Variants in CFAP92 observed in about 807,000 individuals in gnomAD.
CFAP92 encodes cilia and flagella associated protein 92 (putative), also known as uncharacterized protein CFAP92.
In CFAP92, 86 loss-of-function variants were observed where a neutral mutation model predicts 106.3. That is an observed-to-expected ratio of 0.81 (90% CI 0.68 to 0.97). The LOEUF is 0.97. CFAP92 is among the 50% of genes least tolerant of loss of function. The pLI is 0.00. For missense variants in CFAP92, 1,204 were observed against 1,283.8 expected (o/e 0.94, Z 0.95); for synonymous variants, 477 against 506.4 (o/e 0.94, Z 0.78).
At chr3:129,023,952 G>A in the CFAP92 span, among the ~76,000 whole-genome samples, 1 of 152,188 alleles carries the variant, frequency 6.6e-6, no homozygotes, top group Non-Finnish European at 1.5e-5. Flanking sequence ...TCCAAGAGCA[G>A]GTGAATAGGT....
In CFAP92 at chr3:128,912,639, C is replaced by T. The variant is rs200518350; in HGVS notation, c.3281-2306G>A. On this transcript the variant is annotated intron_variant, in intron 15 of 15. Coordinates refer to ENST00000645291, the MANE Select transcript of CFAP92 (RefSeq NM_001394090.1). The stretch of plus-strand genomic sequence containing the variant: ...GGACAGTGTCCCCTGCTACCGCCCG[C>T]CCCTACCCATGGCCCGTTGCTGGAT... 1.2e-4 allele frequency: 191 copies of T among 1,569,366 alleles called. No individual in the cohort carries two copies. The African/African-American group carries it at 2.4e-3, about 20-fold the overall frequency.
intron 10 of CFAP92, among the ~76,000 whole-genome samples, chr3:128,936,144 T>G (rs182618095): frequency 8.4e-4 from 128 of 152,186 alleles, no homozygotes; most frequent in African/African-American, 2.9e-3. Flanking sequence ...CTGGCAGGGT[T>G]TCTATGCACA....
intron 10 of CFAP92, among the ~76,000 whole-genome samples, chr3:128,942,679 CTT>C (rs113637615): frequency 1.4e-5 from 2 of 146,432 alleles, no homozygotes; most frequent in Non-Finnish European, 1.5e-5. Context: ...AAAACTCAAT[CTT>C]TTTTTTTTTT....
intron 4 of CFAP92, among the ~76,000 whole-genome samples, chr3:128,981,167 GCTGGGA>G: frequency 6.6e-6 from 1 of 151,434 alleles, no homozygotes; most frequent in African/African-American, 2.4e-5. Flanking sequence ...CTCCCAAGGA[GCTGGGA>G]CTACAGGCGC....
intron 4 of CFAP92, among the ~76,000 whole-genome samples, chr3:128,980,002 G>T (rs1943426429): frequency 1.4e-5 from 2 of 146,654 alleles, no homozygotes; most frequent in African/African-American, 5.0e-5. Flanking sequence ...AAAGAAAGGA[G>T]GGAAGGAAGA....
chr3:128,928,808 C>G (rs994960444), intron 12 of CFAP92, among the ~76,000 whole-genome samples: 2 of 151,952 alleles, frequency 1.3e-5, no homozygotes, highest in Non-Finnish European at 2.9e-5. Flanking sequence ...AAATTAAGAA[C>G]TTTTATACTT....
At chr3:128,934,061 T>C (rs879438318) in intron 11 of CFAP92, among the ~76,000 whole-genome samples, 1 of 152,232 alleles carries the variant, frequency 6.6e-6, no homozygotes, top group East Asian at 1.9e-4. Context: ...AACAGCAGCC[T>C]CTCCTGCCCT....
intron 9 of CFAP92, among the ~76,000 whole-genome samples, chr3:128,956,207 T>TAAAAAAAAAAA (rs1256391409): frequency 4.7e-4 from 25 of 53,108 alleles, no homozygotes; most frequent in East Asian, 8.5e-4. Flanking sequence ...AAAAAAAAAA[T>TAAAAAAAAAAA]AAAAAAATAA....
intron 9 of CFAP92, among the ~76,000 whole-genome samples, chr3:128,952,835 C>T (rs1169969301): frequency 2.0e-5 from 3 of 151,984 alleles, no homozygotes; most frequent in Admixed American, 6.6e-5. Flanking sequence ...CCTGTAAATC[C>T]AGCACTTTGG....
rs763937881 is a variant in CFAP92 at position 128,932,917 on chromosome 3, T to C, written c.2534A>G (p.Lys845Arg). ...CATCCCAAACTCTTGGCTCAAGTCT[T>C]TTATCATAGCAGAGGAGGGCAGCAG... ...RDLLPSSAMI[K>R]DLSQEFGMPL... Residue 845 changes from lysine to arginine, a missense_variant, in exon 12 of 16, where the codon AAA becomes AGA. Physicochemically the swap from Lys to Arg is conservative, Grantham distance 26. Coordinates refer to ENST00000645291, the MANE Select transcript of CFAP92 (RefSeq NM_001394090.1). The C allele has an allele frequency of 2.0e-6, 3 of 1,536,042 alleles. No individual in the cohort carries two copies. Among genetic ancestry groups the C allele is most frequent in the Non-Finnish European group, 1.7e-6 (2 of 1,146,914 alleles).
chr3:128,917,813 AAAAAAGATAAAATTAGAAAC>A (rs1936942377), intron 12 of CFAP92, among the ~76,000 whole-genome samples: 1 of 152,224 alleles, frequency 6.6e-6, no homozygotes, highest in Admixed American at 6.5e-5. Context: ...AGTCCTGTAT[AAAAAAGATAAAATTAGAAAC>A]TGAGTATAGA....
intron 9 of CFAP92, among the ~76,000 whole-genome samples, chr3:128,956,196 T>TAAATAAAAAAAAAAAAAAAAAAAAAAAAA (rs1941372225): frequency 1.6e-5 from 1 of 61,714 alleles, no homozygotes; most frequent in African/African-American, 9.2e-5. Context: ...AAAAAAAAAA[T>TAAATAAAAAAAAAAAAAAAAAAAAAAAAA]AAAAAAAAAA....
chr3:128,959,475 C>T (rs1576526193), intron 9 of CFAP92, among the ~76,000 whole-genome samples: 2 of 152,090 alleles, frequency 1.3e-5, no homozygotes, highest in East Asian at 1.9e-4. Flanking sequence ...CTCCCATTGA[C>T]CTTTTCTCGA....
intron 12 of CFAP92, among the ~76,000 whole-genome samples, chr3:128,926,836 C>G (rs1439872050): frequency 1.3e-5 from 2 of 152,136 alleles, no homozygotes; most frequent in Non-Finnish European, 2.9e-5. Flanking sequence ...TTGCTCACAC[C>G]TGTAATCCCA....
intron 5 of CFAP92, among the ~76,000 whole-genome samples, chr3:128,977,585 T>C (rs141411882): frequency 6.6e-6 from 1 of 152,270 alleles, no homozygotes; most frequent in African/African-American, 2.4e-5. Flanking sequence ...TCGGACCAGG[T>C]GCAGTGGCTC....
chr3:129,003,304 C>G, upstream of CFAP92: 1 of 984,138 alleles, frequency 1.0e-6, no homozygotes. Flanking sequence ...TATTGAGCAC[C>G]TACTATGTGC....
intron 12 of CFAP92, among the ~76,000 whole-genome samples, chr3:128,931,523 A>ATG (rs72356792): frequency 1.8e-3 from 181 of 102,358 alleles, no homozygotes; most frequent in Middle Eastern, 0.011. Context: ...ATATGTATGT[A>ATG]TGTGTATATA....
chr3:128,950,606 T>C (rs914706188), intron 9 of CFAP92, among the ~76,000 whole-genome samples: 1 of 152,142 alleles, frequency 6.6e-6, no homozygotes, highest in African/African-American at 2.4e-5. Flanking sequence ...GTCTGTGATT[T>C]ATTACAGCAA....
intron 2 of CFAP92, among the ~76,000 whole-genome samples, chr3:128,989,729 T>C (rs1288212758): frequency 6.6e-6 from 1 of 152,262 alleles, no homozygotes; most frequent in Non-Finnish European, 1.5e-5. Context: ...AGCTGTAGTT[T>C]TTAAAGTCTA....
Sources: allele counts gnomAD v4.1 joint callset (sites outside exome capture counted in the v4.1 genomes callset), GRCh38; gene constraint gnomAD v4.1.1; transcripts MANE v1.5; gene names NCBI Gene and HGNC (gene_info 2026-07-23, HGNC 2026-07-21).